The following LCORL variants were observed in gnomAD, a reference collection of about 807,000 sequenced individuals.
The protein encoded by LCORL is ligand-dependent nuclear receptor corepressor-like protein.
Under a neutral mutation model 141.8 loss-of-function variants are expected in LCORL, and 41 were observed. The ratio of observed to expected loss-of-function variants is 0.29; its 90% CI spans 0.23 to 0.38. The LOEUF is 0.38. Among genes scored for constraint, LCORL ranks in the 10% least tolerant of loss-of-function variants. The pLI, the probability that LCORL is intolerant of heterozygous loss-of-function variation, is 1.00. For missense variants in LCORL, 1,759 were observed against 2,035.0 expected, an observed-to-expected ratio of 0.86 and a Z score of 2.61; for synonymous variants, 618 against 694.1, an observed-to-expected ratio of 0.89 and a Z score of 1.72.
intron 5 of LCORL, among the ~76,000 whole-genome samples, chr4:17,900,960 C>T (rs1158460985): frequency 1.3e-5 from 2 of 151,720 alleles, no homozygotes; most frequent in East Asian, 1.9e-4. Flanking sequence ...AATCTGCTTC[C>T]CCTGTCACCT....
intron 5 of LCORL, among the ~76,000 whole-genome samples, chr4:17,896,162 TC>T (rs1729891222): frequency 6.6e-6 from 1 of 152,098 alleles, no homozygotes; most frequent in Non-Finnish European, 1.5e-5. Context: ...CAGCAATGTA[TC>T]AGGGGTCCAA....
intron 4 of LCORL, among the ~76,000 whole-genome samples, chr4:17,923,425 A>C (rs530218886): frequency 2.0e-4 from 30 of 152,292 alleles, no homozygotes; most frequent in Admixed American, 5.9e-4. Flanking sequence ...GCAGGCGGAT[A>C]ATTTGAGGTC....
At chr4:18,000,931 A>T (rs1424229312) in intron 1 of LCORL, among the ~76,000 whole-genome samples, 4 of 152,238 alleles carry the variant, frequency 2.6e-5, no homozygotes, top group Non-Finnish European at 5.9e-5. Flanking sequence ...GTTTACAAAA[A>T]GTAGCAATGG....
At chr4:17,946,545 G>T (rs560452225) in intron 4 of LCORL, among the ~76,000 whole-genome samples, 2 of 151,912 alleles carry the variant, frequency 1.3e-5, no homozygotes, top group African/African-American at 4.8e-5. Context: ...TATTATACAA[G>T]GAACTGAAAA....
intron 1 of LCORL, among the ~76,000 whole-genome samples, chr4:17,999,224 C>T (rs868003530): frequency 1.7e-4 from 18 of 103,838 alleles, no homozygotes; most frequent in South Asian, 3.2e-4. Context: ...GAGGCCGAGG[C>T]GGGAGGATTA....
chr4:17,900,937 A>T (rs1397246740), intron 5 of LCORL, among the ~76,000 whole-genome samples: 2 of 152,112 alleles, frequency 1.3e-5, no homozygotes, highest in East Asian at 3.9e-4. Flanking sequence ...TCTTAAGTAG[A>T]ATAAAGAAAG....
At chr4:17,961,165 C>T (rs1285941837) in intron 4 of LCORL, among the ~76,000 whole-genome samples, 3 of 151,838 alleles carry the variant, frequency 2.0e-5, no homozygotes, top group Non-Finnish European at 4.4e-5. Context: ...AGAATAATCC[C>T]CCAACCTAAA....
At chr4:17,969,192 A>G (rs1215150654) in intron 2 of LCORL, among the ~76,000 whole-genome samples, 2 of 152,220 alleles carry the variant, frequency 1.3e-5, no homozygotes, top group Admixed American at 1.3e-4. Context: ...CAAGACAGGC[A>G]TAGAGTACTG....
chr4:18,008,662 T>C (rs138566012), intron 1 of LCORL, among the ~76,000 whole-genome samples: 3,075 of 152,276 alleles, frequency 0.02, 46 homozygotes, highest in Middle Eastern at 0.13. Context: ...GAAAATTATA[T>C]GTGATAATAC....
At chr4:17,989,360 C>T (rs548100533) in intron 1 of LCORL, among the ~76,000 whole-genome samples, 1 of 152,242 alleles carries the variant, frequency 6.6e-6, no homozygotes, top group South Asian at 2.1e-4. Context: ...TTCTATGGCA[C>T]CTCTTTTTAT....
chr4:17,842,539 A>G (rs908299047), exon 8 of LCORL: 4 of 601,944 alleles, frequency 6.6e-6, no homozygotes, highest in Non-Finnish European at 8.8e-6. Context: ...TTCCATCATC[A>G]AGAGCATTTG....
chr4:17,987,103 T>G (rs968430423), intron 1 of LCORL, among the ~76,000 whole-genome samples: 1 of 152,122 alleles, frequency 6.6e-6, no homozygotes, highest in Non-Finnish European at 1.5e-5. Flanking sequence ...TATAAACTTA[T>G]AAACGGTATA....
At chr4:18,003,374 T>C (rs1476470242) in intron 1 of LCORL, among the ~76,000 whole-genome samples, 6 of 152,166 alleles carry the variant, frequency 3.9e-5, no homozygotes, top group African/African-American at 9.7e-5. Flanking sequence ...AATTGGTGGA[T>C]TGGCATAGCA....
intron 4 of LCORL, among the ~76,000 whole-genome samples, chr4:17,960,874 T>G (rs1387673326): frequency 6.6e-6 from 1 of 151,308 alleles, no homozygotes; most frequent in Non-Finnish European, 1.5e-5. Flanking sequence ...CTCTTAAAAA[T>G]TATAGTTCTT....
intron 6 of LCORL, chr4:17,881,230 T>C: frequency 2.0e-6 from 2 of 983,290 alleles, no homozygotes. Flanking sequence ...TGCTTTCACC[T>C]TCATTAAGTC....
chr4:17,976,671 C>G (rs1247541778), intron 1 of LCORL, among the ~76,000 whole-genome samples: 2 of 152,084 alleles, frequency 1.3e-5, no homozygotes, highest in African/African-American at 4.8e-5. Flanking sequence ...GCTTAAAGAT[C>G]TACTAGCTAC....
intron 5 of LCORL, among the ~76,000 whole-genome samples, chr4:17,887,227 CA>C (rs886080995): frequency 7.5e-5 from 11 of 146,818 alleles, no homozygotes; most frequent in African/African-American, 9.9e-5. Context: ...AGAAGAGCAT[CA>C]AAAAAAAAAG....
intron 1 of LCORL, among the ~76,000 whole-genome samples, chr4:17,977,534 C>T (rs1717207490): frequency 6.6e-6 from 1 of 152,104 alleles, no homozygotes; most frequent in Admixed American, 6.6e-5. Context: ...CCCTATTGAC[C>T]ATCTTTTCAC....
chr4:18,008,140 A>T (rs1286559338), intron 1 of LCORL, among the ~76,000 whole-genome samples: 2 of 152,230 alleles, frequency 1.3e-5, no homozygotes, highest in African/African-American at 2.4e-5. Context: ...TCTTAGAATT[A>T]GGATAGAAGG....
Sources: allele counts gnomAD v4.1 joint callset (sites outside exome capture counted in the v4.1 genomes callset), GRCh38; gene constraint gnomAD v4.1.1; transcripts MANE v1.5; gene names NCBI Gene and HGNC (gene_info 2026-07-23, HGNC 2026-07-21).